NLGN1: variants seen among roughly 807,000 people sequenced by gnomAD.
The protein encoded by NLGN1 is neuroligin-1.
NLGN1 carries 12 observed loss-of-function variants against 65.5 expected under a neutral mutation model. That is an observed-to-expected ratio of 0.18 (90% CI 0.12 to 0.30). The LOEUF (loss-of-function observed/expected upper bound fraction) is 0.30, where lower values mean the gene tolerates loss of function less well. NLGN1 is among the 10% of genes least tolerant of loss of function. The pLI is 1.00. For missense variants in NLGN1, 750 were observed against 1,007.1 expected, an observed-to-expected ratio of 0.74 and a Z score of 3.46; for synonymous variants, 350 against 359.5, an observed-to-expected ratio of 0.97 and a Z score of 0.30.
intron 3 of NLGN1, among the ~76,000 whole-genome samples, chr3:173,710,514 A>G (rs1768782469): frequency 1.3e-5 from 2 of 152,174 alleles, no homozygotes; most frequent in Admixed American, 1.3e-4. Flanking sequence ...AGCAAGTCAT[A>G]TTGTTTAGAA....
intron 2 of NLGN1, among the ~76,000 whole-genome samples, chr3:173,438,514 T>C (rs557948692): frequency 6.6e-6 from 1 of 152,284 alleles, no homozygotes; most frequent in African/African-American, 2.4e-5. Flanking sequence ...TTTTAAACAG[T>C]ATGCAATATA....
At chr3:174,127,666 G>C (rs540561759) in intron 4 of NLGN1, among the ~76,000 whole-genome samples, 1 of 152,000 alleles carries the variant, frequency 6.6e-6, no homozygotes, top group African/African-American at 2.4e-5. Flanking sequence ...CTTCAAAAAA[G>C]GTACACGTAG....
Position 173,548,019 on chromosome 3 carries a change from C to A in NLGN1, c.-320-56260C>A, listed in dbSNP as rs544670798. 2.0e-5 allele frequency among the ~76,000 whole-genome samples: 3 copies of A among 152,198 alleles called. No homozygotes were observed. In the East Asian group the frequency reaches 5.8e-4, roughly 29 times the overall value. ...CCCTCCCCACAATCATTTTCTCCCA[C>A]TATAATAACTTATTCGTTAATTTAC... On this transcript the variant is annotated intron_variant, in intron 2 of 6. Coordinates refer to ENST00000457714, the Ensembl canonical transcript of NLGN1.
At chr3:174,187,530 G>C (rs755226262) in intron 4 of NLGN1, among the ~76,000 whole-genome samples, 3 of 152,008 alleles carry the variant, frequency 2.0e-5, no homozygotes, top group Admixed American at 2.0e-4. Flanking sequence ...TGCTTTTGCT[G>C]TATGGATGAC....
intron 4 of NLGN1, among the ~76,000 whole-genome samples, chr3:173,981,385 A>G (rs1390480431): frequency 6.6e-6 from 1 of 152,164 alleles, no homozygotes; most frequent in African/African-American, 2.4e-5. Context: ...CAGAATGGTA[A>G]AATGTTTAGT....
chr3:173,512,011 T>G (rs1437449753), intron 2 of NLGN1, among the ~76,000 whole-genome samples: 3 of 152,242 alleles, frequency 2.0e-5, no homozygotes, highest in Non-Finnish European at 4.4e-5. Context: ...GGTGGAAGCA[T>G]GCAAACAAAC....
At chr3:173,616,413 G>A (rs1218866216) in intron 3 of NLGN1, among the ~76,000 whole-genome samples, 1 of 152,022 alleles carries the variant, frequency 6.6e-6, no homozygotes, top group African/African-American at 2.4e-5. Context: ...AAAAAAACTG[G>A]ACTCAAAATG....
At chr3:173,860,887 G>A (rs1375663268) in intron 4 of NLGN1, among the ~76,000 whole-genome samples, 2 of 152,200 alleles carry the variant, frequency 1.3e-5, no homozygotes, top group Non-Finnish European at 2.9e-5. Flanking sequence ...GCACACCTCA[G>A]TCAGAGACAG....
At chr3:173,645,720 G>T (rs1014483694) in intron 3 of NLGN1, among the ~76,000 whole-genome samples, 9 of 152,194 alleles carry the variant, frequency 5.9e-5, no homozygotes, top group African/African-American at 2.2e-4. Flanking sequence ...TGGAGGAGGA[G>T]GTAATCCAGT....
intron 3 of NLGN1, among the ~76,000 whole-genome samples, chr3:173,769,407 C>G (rs1779252442): frequency 6.6e-6 from 1 of 152,068 alleles, no homozygotes; most frequent in Admixed American, 6.6e-5. Context: ...CCCAACATTC[C>G]CCCAAACACA....
intron 4 of NLGN1, among the ~76,000 whole-genome samples, chr3:174,128,220 T>A (rs1371696990): frequency 6.6e-6 from 1 of 152,164 alleles, no homozygotes; most frequent in South Asian, 2.1e-4. Context: ...CCAAATAGAT[T>A]CACACGCTAA....
chr3:173,932,631 CTG>C (rs1260269893), intron 4 of NLGN1, among the ~76,000 whole-genome samples: 10 of 152,236 alleles, frequency 6.6e-5, no homozygotes, highest in Admixed American at 2.0e-4. Context: ...CCTACAGTGA[CTG>C]AGAAGTTAGG....
At chr3:173,566,958 A>G (rs1020795910) in intron 2 of NLGN1, among the ~76,000 whole-genome samples, 6 of 152,180 alleles carry the variant, frequency 3.9e-5, no homozygotes, top group Non-Finnish European at 7.4e-5. Context: ...GTATTCTGTT[A>G]TCAAATGGTA....
intron 3 of NLGN1, among the ~76,000 whole-genome samples, chr3:173,669,491 T>C (rs1440844291): frequency 6.6e-6 from 1 of 152,212 alleles, no homozygotes; most frequent in Non-Finnish European, 1.5e-5. Context: ...ACACTCTCCC[T>C]GTGTGCATGA....
chr3:174,197,518 CA>C lies in NLGN1; in HGVS notation c.647-77778del, dbSNP rs10663769. On this transcript the variant is annotated intron_variant, in intron 4 of 6. Transcript: ENST00000457714. Reference sequence around the variant, plus strand: ...TTTCTTGAGCTACGGTACTTAACCTCAAAAAAAAAAAAAAAAAAAGGAGAAT... The same window carrying C: ...TTTCTTGAGCTACGGTACTTAACCTCAAAAAAAAAAAAAAAAAAGGAGAAT... Among the ~76,000 whole-genome samples the C allele has an allele frequency of 8.5e-3, 851 of 100,402 alleles. 11 individuals are homozygous for C. The highest frequency in any genetic ancestry group is 0.032 in the African/African-American group (778 of 23,974). 65.9% of individuals were successfully genotyped at this position (100,402 alleles called of 152,430 possible).
At chr3:173,709,539 C>T (rs141095424) in intron 3 of NLGN1, among the ~76,000 whole-genome samples, 45 of 152,134 alleles carry the variant, frequency 3.0e-4, no homozygotes, top group African/African-American at 6.0e-4. Flanking sequence ...CAGTGGCTCA[C>T]GCCTGTAATC....
chr3:174,222,107 T>A (rs9874999), intron 4 of NLGN1, among the ~76,000 whole-genome samples: 110,171 of 151,972 alleles, frequency 0.72, 40,060 homozygotes, highest in East Asian at 0.81. Flanking sequence ...CATAGCCCTG[T>A]ATCTTTGAGT....
intron 4 of NLGN1, among the ~76,000 whole-genome samples, chr3:173,952,836 G>A (rs1444666577): frequency 1.3e-5 from 2 of 149,366 alleles, no homozygotes; most frequent in East Asian, 4.0e-4. Context: ...GGAGTGCAGT[G>A]GCACAATCTC....
chr3:173,510,915 C>G (rs1011588987), intron 2 of NLGN1, among the ~76,000 whole-genome samples: 3 of 152,162 alleles, frequency 2.0e-5, no homozygotes, highest in Non-Finnish European at 2.9e-5. Context: ...ATTACAAATT[C>G]GCGAGATTAA....
Sources: gnomAD v4.1 joint callset for allele counts (sites outside exome capture counted in the v4.1 genomes callset) on GRCh38, gnomAD v4.1.1 for gene constraint, MANE v1.5 for transcripts, NCBI Gene and HGNC (gene_info 2026-07-23, HGNC 2026-07-21) for gene names.